The following RFWD3 variants were observed in gnomAD, a reference collection of about 807,000 sequenced individuals.
RFWD3 encodes the protein E3 ubiquitin-protein ligase RFWD3.
Under a neutral mutation model 87.7 loss-of-function variants are expected in RFWD3, and 65 were observed. That is an observed-to-expected ratio of 0.74 (90% CI 0.61 to 0.91). The LOEUF (loss-of-function observed/expected upper bound fraction) is 0.91. RFWD3 is among the 40% of genes least tolerant of loss of function. RFWD3 has a pLI of 0.00. For synonymous variants in RFWD3, 433 were observed against 352.8 expected (o/e 1.23, Z -2.55); for missense variants, 1,078 against 938.5 (o/e 1.15, Z -1.94).
Position 74,628,476 on chromosome 16 carries a change from G to A in RFWD3, c.1945C>T (p.His649Tyr). The A allele has an allele frequency of 6.2e-7, 1 of 1,614,156 alleles. No homozygotes were observed. The highest frequency in any genetic ancestry group is 8.5e-7 in the Non-Finnish European group (1 of 1,180,022). Residue 649 changes from histidine to tyrosine, a missense_variant, in exon 11 of 13, where the codon CAC becomes TAC. Coordinates refer to ENST00000361070, the MANE Select transcript of RFWD3 (RefSeq NM_018124.4). ...CCAGGCCTGTAGGTCACAAGACAGT[G>A]CCGGGAGCTGTTCTCTGTCTGAAAG... ...IDFQTENSSRHCLVTYRPDKN... is the reference protein window; with the variant it reads ...IDFQTENSSRYCLVTYRPDKN...
At chr16:74,629,990 A>C (rs1341142515) in intron 10 of RFWD3, among the ~76,000 whole-genome samples, 3 of 152,216 alleles carry the variant, frequency 2.0e-5, no homozygotes, top group Admixed American at 1.3e-4. Context: ...AATAATAATA[A>C]TATGGTATCT....
At chr16:74,624,197 T>C (rs1958851533) in intron 12 of RFWD3, 126 bp from the exon 13 acceptor site, 1 of 1,145,924 alleles carries the variant, frequency 8.7e-7, no homozygotes, top group Non-Finnish European at 1.2e-6. Context: ...AAGCAGGCTG[T>C]CCCTAACCTT....
rs117959481 is a variant in RFWD3, at chr16:74,628,123, T to C, written c.1969+329A>G. ...GGGGAAGTAAGAGGCAGGCAGAAGA[T>C]ACGAAAGTGATCTCAAGGTGGCTCA... On this transcript the variant is annotated intron_variant, in intron 11 of 12. Coordinates refer to ENST00000361070, the MANE Select transcript of RFWD3 (RefSeq NM_018124.4). 4.2e-3 allele frequency among the ~76,000 whole-genome samples: 638 copies of C among 152,290 alleles called. 4 individuals carry two copies. Among genetic ancestry groups the C allele is most frequent in the Middle Eastern group, 0.014 (4 of 294 alleles).
At chr16:74,658,478 C>A (rs1288310047) in intron 2 of RFWD3, among the ~76,000 whole-genome samples, 2 of 152,168 alleles carry the variant, frequency 1.3e-5, no homozygotes, top group Non-Finnish European at 2.9e-5. Context: ...ACACCTGGCC[C>A]AGGGACAGTC....
chr16:74,633,015 C>T (rs1959149775), intron 8 of RFWD3, among the ~76,000 whole-genome samples: 2 of 152,020 alleles, frequency 1.3e-5, no homozygotes, highest in African/African-American at 2.4e-5. Flanking sequence ...GGTGTCTCAC[C>T]TCTGTAATCC....
At chr16:74,638,939 C>T (rs1043157408) in intron 6 of RFWD3, among the ~76,000 whole-genome samples, 1 of 151,588 alleles carries the variant, frequency 6.6e-6, no homozygotes, top group African/African-American at 2.4e-5. Context: ...AGGCTACAAA[C>T]TTGTATAGTA....
Position 74,626,497 on chromosome 16 carries a change from T to G in RFWD3, c.2027A>C (p.Asp676Ala). The change falls in exon 12 of 13, where the codon GAC becomes GCC. Residue 676 changes from aspartate (D) to alanine (A), a missense_variant. Physicochemically the swap from Asp to Ala is moderately radical, Grantham distance 126 (BLOSUM62 -2). Coordinates refer to ENST00000361070, the MANE Select transcript of RFWD3 (RefSeq NM_018124.4). ...VLMEMSYRLD[D>A]TGNPICSCQP... is the part of the protein sequence containing the mutation. The stretch of plus-strand genomic sequence containing the variant: ...GCAGGAGCAGATTGGATTTCCAGTG[T>G]CATCCAGTCGGTAGGACATTTCCAT... The G allele has an allele frequency of 6.2e-7, 1 of 1,614,162 alleles. No individual in the cohort carries two copies. The highest frequency in any genetic ancestry group is 8.5e-7 in the Non-Finnish European group (1 of 1,180,016).
intron 1 of RFWD3, among the ~76,000 whole-genome samples, chr16:74,663,564 C>T (rs977896234): frequency 6.6e-6 from 1 of 152,054 alleles, no homozygotes; most frequent in Non-Finnish European, 1.5e-5. Context: ...ACATAGTGGA[C>T]GAAGTACATA....
chr16:74,657,339 T>G (rs1455599917), intron 2 of RFWD3, among the ~76,000 whole-genome samples: 1 of 152,196 alleles, frequency 6.6e-6, no homozygotes, highest in African/African-American at 2.4e-5. Context: ...TGGATTGCTA[T>G]AAGCATTTGG....
intron 2 of RFWD3, among the ~76,000 whole-genome samples, chr16:74,655,310 G>A (rs1250133324): frequency 6.6e-6 from 1 of 151,700 alleles, no homozygotes; most frequent in African/African-American, 2.4e-5. Context: ...CGTGATCTCG[G>A]CTCACTGCAA....
intron 2 of RFWD3, 121 bp downstream of exon 2, chr16:74,660,811 C>T (rs1035444222): frequency 3.8e-6 from 4 of 1,063,738 alleles, no homozygotes; most frequent in Non-Finnish European, 5.5e-6. Context: ...CTATGAGGAA[C>T]TGGGGGTCAG....
chr16:74,631,177 A>C (rs943201998), intron 9 of RFWD3, among the ~76,000 whole-genome samples: 2 of 152,160 alleles, frequency 1.3e-5, no homozygotes, highest in African/African-American at 2.4e-5. Flanking sequence ...TTGAGTTCTA[A>C]GGAAATAAAA....
intron 2 of RFWD3, 97 bp downstream of exon 2, chr16:74,660,835 T>C (rs1597459732): frequency 7.1e-7 from 1 of 1,410,910 alleles, no homozygotes; most frequent in Non-Finnish European, 9.6e-7. Context: ...TTACCTGACT[T>C]GCCAAAAGTC....
intron 2 of RFWD3, among the ~76,000 whole-genome samples, chr16:74,659,590 T>A (rs1012938317): frequency 2.8e-4 from 33 of 119,942 alleles, no homozygotes; most frequent in African/African-American, 1.2e-3. Flanking sequence ...GCAAGACTCT[T>A]GTCTTAAAAA....
intron 10 of RFWD3, among the ~76,000 whole-genome samples, chr16:74,629,102 T>A (rs1432293036): frequency 6.6e-6 from 1 of 152,200 alleles, no homozygotes; most frequent in Admixed American, 6.6e-5. Flanking sequence ...TACATTTTAA[T>A]TCAGAAACAG....
intron 1 of RFWD3, chr16:74,664,678 A>G (rs4888270): frequency 0.71 from 107,487 of 151,702 alleles, 38,779 homozygotes; most frequent in African/African-American, 0.84. Context: ...GAACCCGGAG[A>G]GTGGAGGTTA....
At chr16:74,658,476 C>T (rs1597456580) in intron 2 of RFWD3, among the ~76,000 whole-genome samples, 1 of 152,146 alleles carries the variant, frequency 6.6e-6, no homozygotes, top group African/African-American at 2.4e-5. Context: ...CAACACCTGG[C>T]CCAGGGACAG....
chr16:74,634,284 G>A (rs1959175490), intron 8 of RFWD3, among the ~76,000 whole-genome samples: 1 of 152,036 alleles, frequency 6.6e-6, no homozygotes, highest in Non-Finnish European at 1.5e-5. Context: ...GAAGTGGGGG[G>A]AAAATAACCA....
intron 6 of RFWD3, among the ~76,000 whole-genome samples, chr16:74,642,016 C>CATATATAG (rs1597432809): frequency 6.8e-6 from 1 of 146,838 alleles, no homozygotes; most frequent in African/African-American, 2.5e-5. Context: ...TTTACAAATA[C>CATATATAG]ATATATAGCT....
Sources: gnomAD v4.1 joint callset for allele counts (sites outside exome capture counted in the v4.1 genomes callset) on GRCh38, gnomAD v4.1.1 for gene constraint, MANE v1.5 for transcripts, NCBI Gene and HGNC (gene_info 2026-07-23, HGNC 2026-07-21) for gene names.